The following QTRT2 variants were observed in gnomAD, a reference collection of about 807,000 sequenced individuals.
QTRT2 encodes the protein queuine tRNA-ribosyltransferase domain containing 1.
A neutral mutation model predicts 44.8 loss-of-function variants in QTRT2; 32 were observed. The observed-to-expected ratio is 0.71, with a 90% CI of 0.54 to 0.96. QTRT2 has a LOEUF of 0.96. Among genes scored for constraint, QTRT2 ranks in the 40% least tolerant of loss-of-function variants. The probability of loss-of-function intolerance (pLI) is 0.00; values close to 1 mark genes in which losing one functional copy is unlikely to be tolerated. For synonymous variants in QTRT2, 182 were observed against 187.4 expected (o/e 0.97, Z 0.24); for missense variants, 461 against 503.1 (o/e 0.92, Z 0.80).
chr3:114,075,212 T>C (rs1285729519), intron 6 of QTRT2, among the ~76,000 whole-genome samples: 2 of 152,244 alleles, frequency 1.3e-5, no homozygotes, highest in Non-Finnish European at 2.9e-5. Flanking sequence ...TTGTTATCTA[T>C]GTTTTAACCT....
intron 2 of QTRT2, among the ~76,000 whole-genome samples, chr3:114,062,060 TACTCTCACATA>T (rs1184369831): frequency 6.6e-6 from 1 of 151,802 alleles, no homozygotes; most frequent in Non-Finnish European, 1.5e-5. Context: ...ATGTTAAATT[TACTCTCACATA>T]AAAGCCATAA....
At position 114,085,942 on chromosome 3, in the gene QTRT2, C is replaced by CTG. The variant is rs749938660; in HGVS notation, c.*40_*41dup. ...ACAAGTCTCACTCTTCACACTGAGCCTGTACCACTGTTGTAACATGGGAAG... is the reference window on the plus strand; with the variant it reads ...ACAAGTCTCACTCTTCACACTGAGCCTGTGTACCACTGTTGTAACATGGGAAG... On this transcript the variant is annotated 3_prime_UTR_variant, in exon 10 of 10. Transcript: ENST00000281273. The CTG allele has an allele frequency of 7.0e-7, 1 of 1,425,764 alleles. No individual in the cohort carries two copies. The highest frequency in any genetic ancestry group is 9.9e-7 in the Non-Finnish European group (1 of 1,009,318). 88.3% of individuals were successfully genotyped at this position (1,425,764 alleles called of 1,614,324 possible).
At chr3:114,080,147 T>C in intron 8 of QTRT2, 90 bp downstream of exon 8, 1 of 1,032,776 alleles carries the variant, frequency 9.7e-7, no homozygotes. Context: ...AATATGTATA[T>C]ATAAAGCCAG....
chr3:114,072,129 C>G (rs901747669), intron 6 of QTRT2, among the ~76,000 whole-genome samples: 2 of 152,108 alleles, frequency 1.3e-5, no homozygotes, highest in African/African-American at 4.8e-5. Flanking sequence ...AGGCTCATTT[C>G]ATTCCATGTA....
chr3:114,065,512 T>G, intron 3 of QTRT2, 55 bp downstream of exon 3: 1 of 1,338,024 alleles, frequency 7.5e-7, no homozygotes, highest in Non-Finnish European at 1.0e-6. Context: ...CTTAGTTACC[T>G]TAGGTGCAAA....
chr3:114,059,226 G>A (rs1481467581), intron 2 of QTRT2, among the ~76,000 whole-genome samples: 2 of 152,304 alleles, frequency 1.3e-5, no homozygotes, highest in South Asian at 2.1e-4. Flanking sequence ...CCTGTCATTT[G>A]TCTTTACACT....
chr3:114,077,572 C>T (rs2107801356), intron 7 of QTRT2: 1 of 152,530 alleles, frequency 6.6e-6, no homozygotes, highest in Middle Eastern at 3.4e-3. Context: ...AGGCTACCCA[C>T]ATTTTTTTTA....
intron 2 of QTRT2, among the ~76,000 whole-genome samples, chr3:114,062,606 T>G (rs1462584556): frequency 6.6e-6 from 1 of 152,164 alleles, no homozygotes; most frequent in Non-Finnish European, 1.5e-5. Flanking sequence ...ACTGGGATAT[T>G]AAGCACAGTT....
Position 114,065,250 on chromosome 3 carries a change from C to A in QTRT2, c.-8C>A. On this transcript the variant is annotated 5_prime_UTR_variant, in exon 3 of 10. Coordinates refer to ENST00000281273, the MANE Select transcript of QTRT2 (RefSeq NM_024638.4). The stretch of plus-strand genomic sequence containing the variant: ...TTTTCTTGACAGGACCTAGAAGAAT[C>A]CCTTAGGATGAAGCTGAGTCTTACC... 2 of 1,613,000 alleles carry A rather than the reference C, an allele frequency of 1.2e-6. No individual in the cohort carries two copies. The highest frequency in any genetic ancestry group is 2.2e-5 in the South Asian group (2 of 91,052).
rs1014295343 is a variant in QTRT2, at chr3:114,067,928, T to C, written c.257-59T>C. 32 of 1,468,608 alleles carry C rather than the reference T, an allele frequency of 2.2e-5. 1 individual carries two copies. The African/African-American group carries it at 3.7e-4, about 17-fold the overall frequency. 91.0% of individuals were successfully genotyped at this position (1,468,608 alleles called of 1,614,324 possible). A position where few individuals can be genotyped will look rare whatever the true frequency, so the allele number is the denominator to read the frequency against. Reference sequence around the variant, plus strand: ...CACATTGCGAAGCTGCTCCCTGCTATAATACAGTGTCATTGTTGATGTAAG... The same window carrying C: ...CACATTGCGAAGCTGCTCCCTGCTACAATACAGTGTCATTGTTGATGTAAG... On this transcript the variant is annotated intron_variant, in intron 4 of 9. Transcript: ENST00000281273.
intron 2 of QTRT2, 148 bp from the exon 3 acceptor site, chr3:114,065,089 C>T (rs749830889): frequency 8.3e-6 from 5 of 604,866 alleles, no homozygotes; most frequent in Non-Finnish European, 1.5e-5. Context: ...CCCATTCCCC[C>T]GTTCCTGATA....
Position 114,056,786 on chromosome 3 carries a change from A to C in QTRT2, c.-208A>C. 6.6e-7 allele frequency: 1 copy of C among 1,520,328 alleles called. No homozygotes were observed. Among genetic ancestry groups the C allele is most frequent in the Non-Finnish European group, 8.8e-7 (1 of 1,136,976 alleles). The allele number at this position is 1,520,328 out of a possible 1,614,324, so 94.2% of individuals were successfully genotyped here. A position where few individuals can be genotyped will look rare whatever the true frequency, so the allele number is the denominator to read the frequency against. ...TGGAGGCAGTGATTTTGGGGCAGAG[A>C]ATTTTGCAACACGTGGTAGTGAACT... is the stretch of plus-strand genomic sequence containing the variant. On this transcript the variant is annotated 5_prime_UTR_variant, in exon 1 of 10. Transcript: ENST00000281273.
At chr3:114,080,141 T>C (rs576002570) in intron 8 of QTRT2, 84 bp downstream of exon 8, 3 of 1,103,688 alleles carry the variant, frequency 2.7e-6, no homozygotes, top group Middle Eastern at 2.9e-4. Flanking sequence ...GACAGAAATA[T>C]GTATATATAA....
intron 6 of QTRT2, among the ~76,000 whole-genome samples, chr3:114,074,990 C>A (rs1180212264): frequency 6.6e-6 from 1 of 152,176 alleles, no homozygotes; most frequent in Non-Finnish European, 1.5e-5. Flanking sequence ...TCCAGTTTTT[C>A]ATTATTCTAA....
chr3:114,083,547 T>G (rs1402159524), intron 9 of QTRT2, among the ~76,000 whole-genome samples: 1 of 152,204 alleles, frequency 6.6e-6, no homozygotes, highest in African/African-American at 2.4e-5. Flanking sequence ...CCAAAAGTGG[T>G]AATCATCAGT....
intron 9 of QTRT2, among the ~76,000 whole-genome samples, chr3:114,085,354 C>T (rs375759331): frequency 2.0e-5 from 3 of 152,144 alleles, no homozygotes; most frequent in African/African-American, 7.2e-5. Flanking sequence ...ACTACAGGCA[C>T]GCGCCACCAT....
chr3:114,067,964 G>A, intron 4 of QTRT2, 23 bp from the exon 5 acceptor site: 1 of 1,609,866 alleles, frequency 6.2e-7, no homozygotes, highest in Non-Finnish European at 8.5e-7. Context: ...CACTTTCAAG[G>A]GTTCTTTTTT....
chr3:114,077,182 G>T (rs2077102603), intron 7 of QTRT2: 2 of 518,690 alleles, frequency 3.9e-6, no homozygotes, highest in Admixed American at 6.4e-5. Flanking sequence ...TATGTTATTT[G>T]ATCCTCCTAA....
chr3:114,068,302 G>T, intron 5 of QTRT2: 1 of 405,918 alleles, frequency 2.5e-6, no homozygotes, highest in East Asian at 4.1e-5. Context: ...AAATTTGAGG[G>T]TAGAGGAGGG....
Sources: allele counts gnomAD v4.1 joint callset (sites outside exome capture counted in the v4.1 genomes callset), GRCh38; gene constraint gnomAD v4.1.1; transcripts MANE v1.5; gene names NCBI Gene and HGNC (gene_info 2026-07-23, HGNC 2026-07-21).